Variants in PTPRC observed in about 807,000 individuals in gnomAD.
The protein encoded by PTPRC is protein tyrosine phosphatase receptor type C.
Under a neutral mutation model 155.9 loss-of-function variants are expected in PTPRC, and 44 were observed. The observed-to-expected ratio is 0.28, with a 90% CI of 0.22 to 0.36. The LOEUF (loss-of-function observed/expected upper bound fraction) is 0.36, where lower values mean the gene tolerates loss of function less well. Among genes scored for constraint, PTPRC ranks in the 10% least tolerant of loss-of-function variants. PTPRC has a pLI of 1.00. For missense variants in PTPRC, 1,401 were observed against 1,564.6 expected, an observed-to-expected ratio of 0.90 and a Z score of 1.76; for synonymous variants, 525 against 533.1, an observed-to-expected ratio of 0.98 and a Z score of 0.21.
chr1:198,750,681 C>G, intron 29 of PTPRC, 55 bp downstream of exon 29: 1 of 1,589,974 alleles, frequency 6.3e-7, no homozygotes, highest in Middle Eastern at 1.7e-4. Flanking sequence ...ACGTCATTCT[C>G]TAGTCTTGGA....
In PTPRC at chr1:198,712,889, T is replaced by C. The variant is rs200070675; in HGVS notation, c.1172-64T>C. On this transcript the variant is annotated intron_variant, in intron 11 of 32. Transcript: ENST00000442510. ...GGTTATCAATAATGCATGCTTATAATATGAAGAATGCTTTATCCATGTCTT... is the reference window on the plus strand; with the variant it reads ...GGTTATCAATAATGCATGCTTATAACATGAAGAATGCTTTATCCATGTCTT... 444 of 1,499,454 alleles carry C rather than the reference T, an allele frequency of 3.0e-4. 1 individual carries two copies. The highest frequency in any genetic ancestry group is 7.9e-4 in the South Asian group (69 of 87,616). The allele number at this position is 1,499,454 out of a possible 1,614,324, so 92.9% of individuals were successfully genotyped here. A position where few individuals can be genotyped will look rare whatever the true frequency, so the allele number is the denominator to read the frequency against.
At chr1:198,692,222 T>C in intron 2 of PTPRC, 125 bp from the exon 3 acceptor site, 4 of 634,360 alleles carry the variant, frequency 6.3e-6, no homozygotes, top group Non-Finnish European at 1.0e-5. Flanking sequence ...TAAAAGCTAC[T>C]GAAAATTGCC....
At chr1:198,693,664 G>A (rs1666047476) in intron 3 of PTPRC, among the ~76,000 whole-genome samples, 1 of 152,192 alleles carries the variant, frequency 6.6e-6, no homozygotes, top group South Asian at 2.1e-4. Flanking sequence ...CCACAACAAT[G>A]TCATCAATGG....
intron 11 of PTPRC, among the ~76,000 whole-genome samples, chr1:198,710,916 G>A (rs937852869): frequency 1.3e-5 from 2 of 152,156 alleles, no homozygotes; most frequent in African/African-American, 2.4e-5. Context: ...GTGCAGTGGC[G>A]TGATCTCGGC....
chr1:198,735,321 AAGTG>A, intron 23 of PTPRC, 69 bp downstream of exon 23: 3 of 1,300,506 alleles, frequency 2.3e-6, no homozygotes, highest in Non-Finnish European at 3.2e-6. Flanking sequence ...GGAATATTAA[AAGTG>A]AGAAAATAAA....
chr1:198,691,757 CCCTCTGTATCAACT>C (rs1665939707), intron 2 of PTPRC, among the ~76,000 whole-genome samples: 1 of 152,010 alleles, frequency 6.6e-6, no homozygotes, highest in Non-Finnish European at 1.5e-5. Flanking sequence ...ATCCAAGAAA[CCCTCTGTATCAACT>C]CCTTTACCAG....
chr1:198,741,760 GT>G, intron 23 of PTPRC, 108 bp from the exon 24 acceptor site: 1 of 1,110,812 alleles, frequency 9.0e-7, no homozygotes, highest in South Asian at 1.4e-5. Context: ...CTTTTGAGTA[GT>G]TTATGTTTAC....
At chr1:198,748,063 T>A in intron 26 of PTPRC, 46 bp from the exon 27 acceptor site, 1 of 1,565,424 alleles carries the variant, frequency 6.4e-7, no homozygotes, top group Non-Finnish European at 8.6e-7. Context: ...AATAAGCCAA[T>A]ATTTACATTT....
intron 14 of PTPRC, 138 bp downstream of exon 14, chr1:198,718,440 C>T: frequency 1.3e-6 from 1 of 778,496 alleles, no homozygotes; most frequent in South Asian, 1.7e-5. Flanking sequence ...CTTAAAGAGT[C>T]TCAAATATTT....
intron 2 of PTPRC, among the ~76,000 whole-genome samples, chr1:198,677,908 A>G (rs1041652544): frequency 1.3e-5 from 2 of 152,148 alleles, no homozygotes; most frequent in African/African-American, 4.8e-5. Context: ...TTCCGAGGAG[A>G]ATATAAAGTC....
intron 2 of PTPRC, among the ~76,000 whole-genome samples, chr1:198,653,734 A>G (rs1663387219): frequency 6.6e-6 from 1 of 151,960 alleles, no homozygotes; most frequent in Admixed American, 6.6e-5. Flanking sequence ...ATTTTAAAAC[A>G]TATGAATATT....
intron 26 of PTPRC, among the ~76,000 whole-genome samples, chr1:198,746,708 A>G (rs1426783403): frequency 1.3e-5 from 2 of 151,828 alleles, no homozygotes; most frequent in African/African-American, 4.8e-5. Context: ...TTTAAGAGTG[A>G]CAGATCCTTT....
intron 7 of PTPRC, 118 bp downstream of exon 7, chr1:198,703,490 T>G: frequency 8.5e-6 from 13 of 1,523,014 alleles, no homozygotes; most frequent in Non-Finnish European, 1.2e-5. Context: ...ATTAAGTGTT[T>G]GAATCCTGAG....
At chr1:198,702,829 G>A (rs1666529561) in intron 6 of PTPRC, among the ~76,000 whole-genome samples, 1 of 152,096 alleles carries the variant, frequency 6.6e-6, no homozygotes, top group Non-Finnish European at 1.5e-5. Flanking sequence ...GCTGATTACA[G>A]GGCAAATTAC....
chr1:198,706,751 A>C lies in PTPRC; in HGVS notation c.703A>C (p.Ile235Leu). ...KPTCDEKYAN[I>L]TVDYLYNKET... ...TCTTTTAGATGAAAAATATGCAAAC[A>C]TCACTGTGGATTACTTATATAACAA... is the stretch of plus-strand genomic sequence containing the variant. The change falls in exon 9 of 33, where the codon ATC becomes CTC. Residue 235 changes from isoleucine (I) to leucine (L), a missense_variant. Ile to Leu is a conservative substitution (Grantham distance 5). Around this residue, in one of 3 missense-constraint regions of PTPRC, gnomAD observed 867 missense variants for 970.4 expected, o/e 0.89. Transcript: ENST00000442510. 3.7e-6 allele frequency: 6 copies of C among 1,610,158 alleles called. No individual in the cohort carries two copies. The highest frequency in any genetic ancestry group is 5.1e-6 in the Non-Finnish European group (6 of 1,177,654).
At chr1:198,721,570 A>C (rs1379155357) in intron 14 of PTPRC, among the ~76,000 whole-genome samples, 1 of 152,004 alleles carries the variant, frequency 6.6e-6, no homozygotes, top group African/African-American at 2.4e-5. Flanking sequence ...TAATATATCC[A>C]TTATTTAAGA....
chr1:198,722,432 G>T lies in PTPRC; in HGVS notation c.1676G>T (p.Gly559Val). The change falls in exon 15 of 33, where the codon GGA becomes GTA. Residue 559 changes from glycine (G) to valine (V), a missense_variant. By Grantham distance (109) the Gly-to-Val change is moderately radical. Transcript: ENST00000442510. ...GAAATTCAGGCCTATTTTCACAATG[G>T]AGACTATCCTGGAGAACCCTTTATT... ...DYTFKAYFHN[G>V]DYPGEPFILH... The T allele has an allele frequency of 6.9e-7, 1 of 1,451,610 alleles. No individual in the cohort carries two copies. The highest frequency in any genetic ancestry group is 1.6e-5 in the South Asian group (1 of 60,912). 89.9% of individuals were successfully genotyped at this position (1,451,610 alleles called of 1,614,324 possible). A position where few individuals can be genotyped will look rare whatever the true frequency, so the allele number is the denominator to read the frequency against.
intron 2 of PTPRC, among the ~76,000 whole-genome samples, chr1:198,640,955 T>A (rs1028751371): frequency 1.3e-5 from 2 of 151,990 alleles, no homozygotes; most frequent in Non-Finnish European, 2.9e-5. Context: ...TACAGGATGT[T>A]TTTTTAACCA....
intron 15 of PTPRC, among the ~76,000 whole-genome samples, chr1:198,723,912 G>A (rs1654007762): frequency 6.6e-6 from 1 of 152,214 alleles, no homozygotes; most frequent in Admixed American, 6.5e-5. Context: ...CATGGGCATA[G>A]CTTCCAGACA....
Sources: allele counts gnomAD v4.1 joint callset (sites outside exome capture counted in the v4.1 genomes callset), GRCh38; gene constraint gnomAD v4.1.1; regional missense constraint gnomAD v4.1.1; transcripts MANE v1.5; gene names NCBI Gene and HGNC (gene_info 2026-07-23, HGNC 2026-07-21).